SHISA9: variants seen among roughly 807,000 people sequenced by gnomAD.
SHISA9 encodes protein shisa-9.
SHISA9 carries 13 observed loss-of-function variants against 38.0 expected under a neutral mutation model. The ratio of observed to expected loss-of-function variants is 0.34; its 90% confidence interval spans 0.22 to 0.54. SHISA9 has a LOEUF of 0.54. Ranked by LOEUF, SHISA9 falls within the 20% of genes least tolerant of loss-of-function variation. The probability of loss-of-function intolerance (pLI) is 0.91; values close to 1 mark genes in which losing one functional copy is unlikely to be tolerated. For synonymous variants in SHISA9, 275 were observed against 242.0 expected (o/e 1.14, Z -1.27); for missense variants, 538 against 575.8 (o/e 0.93, Z 0.67).
the SHISA9 span, among the ~76,000 whole-genome samples, chr16:13,317,263 G>A: frequency 2.6e-5 from 4 of 152,140 alleles, no homozygotes; most frequent in Non-Finnish European, 1.5e-5. Flanking sequence ...ACCTCTCCTT[G>A]TAAGAATCTG....
chr16:13,137,463 T>A (rs905825867), intron 2 of SHISA9, among the ~76,000 whole-genome samples: 36 of 148,496 alleles, frequency 2.4e-4, no homozygotes, highest in African/African-American at 8.6e-4. Flanking sequence ...ATCTTTTTAT[T>A]TTTTTTTTTT....
chr16:13,315,447 A>G, the SHISA9 span, among the ~76,000 whole-genome samples: 3 of 152,160 alleles, frequency 2.0e-5, no homozygotes, highest in African/African-American at 7.2e-5. Flanking sequence ...TTTATGCCCC[A>G]TATTCATTAC....
chr16:13,160,151 G>A (rs939128788), intron 2 of SHISA9, among the ~76,000 whole-genome samples: 1 of 152,216 alleles, frequency 6.6e-6, no homozygotes, highest in Non-Finnish European at 1.5e-5. Flanking sequence ...GCCTAGGGAA[G>A]AGAGTTCCAG....
At chr16:13,002,810 G>A (rs1396622276) in intron 2 of SHISA9, among the ~76,000 whole-genome samples, 1 of 152,126 alleles carries the variant, frequency 6.6e-6, no homozygotes, top group Non-Finnish European at 1.5e-5. Context: ...TAGGATTACA[G>A]GCATGAGCCA....
intron 2 of SHISA9, among the ~76,000 whole-genome samples, chr16:13,117,049 T>C (rs1293270763): frequency 6.6e-6 from 1 of 152,148 alleles, no homozygotes; most frequent in Non-Finnish European, 1.5e-5. Context: ...CTCGGCTCAC[T>C]GCAACCTCCA....
At chr16:13,431,088 C>T in the SHISA9 span, among the ~76,000 whole-genome samples, 40,804 of 152,052 alleles carry the variant, frequency 0.27, 6,578 homozygotes, top group East Asian at 0.49. Flanking sequence ...ACACATCCTC[C>T]AAGACCCATC....
the SHISA9 span, among the ~76,000 whole-genome samples, chr16:13,420,254 A>AAG: frequency 6.7e-6 from 1 of 148,826 alleles, no homozygotes; most frequent in Non-Finnish European, 1.5e-5. Context: ...TCAAAAAAAA[A>AAG]AAAAAAAAAA....
At chr16:13,320,152 G>C in the SHISA9 span, among the ~76,000 whole-genome samples, 1 of 151,596 alleles carries the variant, frequency 6.6e-6, no homozygotes, top group Non-Finnish European at 1.5e-5. Context: ...TTAGCCTGGC[G>C]TGGTGGCATG....
chr16:13,037,121 C>G (rs1020704275), intron 2 of SHISA9, among the ~76,000 whole-genome samples: 3,402 of 144,588 alleles, frequency 0.024, 192 homozygotes, highest in African/African-American at 0.083. Flanking sequence ...CACACACACA[C>G]ACACACACAC....
chr16:13,434,725 G>A, the SHISA9 span, among the ~76,000 whole-genome samples: 2 of 152,068 alleles, frequency 1.3e-5, no homozygotes, highest in Non-Finnish European at 2.9e-5. Flanking sequence ...GCCTAGAAAA[G>A]CTATGTTTTA....
chr16:13,383,123 C>T, the SHISA9 span, among the ~76,000 whole-genome samples: 7 of 152,096 alleles, frequency 4.6e-5, no homozygotes, highest in South Asian at 4.2e-4. Flanking sequence ...ATAGGTCAAG[C>T]GATACAAAAT....
At chr16:13,055,370 CTA>C (rs1441213850) in intron 2 of SHISA9, among the ~76,000 whole-genome samples, 2 of 152,088 alleles carry the variant, frequency 1.3e-5, no homozygotes, top group Non-Finnish European at 2.9e-5. Context: ...GGAGTAATGA[CTA>C]TGTTAATTTT....
intron 2 of SHISA9, among the ~76,000 whole-genome samples, chr16:13,196,134 A>C (rs2050937854): frequency 7.3e-6 from 1 of 136,504 alleles, no homozygotes; most frequent in African/African-American, 2.8e-5. Flanking sequence ...GTGGTGGCTC[A>C]CGCCTGTAAT....
chr16:13,196,290 G>T (rs1454080528), intron 2 of SHISA9, among the ~76,000 whole-genome samples: 3 of 150,152 alleles, frequency 2.0e-5, no homozygotes, highest in African/African-American at 7.4e-5. Context: ...CCAGCTACTC[G>T]GGAGGCTGAG....
At chr16:13,382,121 T>G in the SHISA9 span, among the ~76,000 whole-genome samples, 1 of 152,236 alleles carries the variant, frequency 6.6e-6, no homozygotes, top group Admixed American at 6.5e-5. Context: ...ACAAACTCTC[T>G]GAGTAAAAAT....
chr16:13,327,901 C>A, the SHISA9 span, among the ~76,000 whole-genome samples: 1 of 152,052 alleles, frequency 6.6e-6, no homozygotes, highest in South Asian at 2.1e-4. Context: ...TGGAGTGATC[C>A]ACCCACTTCG....
chr16:13,422,797 T>C, the SHISA9 span, among the ~76,000 whole-genome samples: 1 of 152,250 alleles, frequency 6.6e-6, no homozygotes, highest in East Asian at 1.9e-4. Context: ...GTTGATCCTG[T>C]AATTTTCATG....
chr16:12,959,994 T>C (rs1426080821), intron 2 of SHISA9, among the ~76,000 whole-genome samples: 1 of 152,254 alleles, frequency 6.6e-6, no homozygotes, highest in African/African-American at 2.4e-5. Context: ...ATAGGAATTA[T>C]GTCTTCTAAT....
chr16:13,263,729 G>A, the SHISA9 span, among the ~76,000 whole-genome samples: 1 of 152,256 alleles, frequency 6.6e-6, no homozygotes, highest in South Asian at 2.1e-4. Context: ...ATAAAATCTT[G>A]TGTGGGATTC....
Sources: gnomAD v4.1 joint callset for allele counts (sites outside exome capture counted in the v4.1 genomes callset) on GRCh38, gnomAD v4.1.1 for gene constraint, MANE v1.5 for transcripts, NCBI Gene and HGNC (gene_info 2026-07-23, HGNC 2026-07-21) for gene names.